The following DMXL1 variants were observed in gnomAD, a reference collection of about 807,000 sequenced individuals.
DMXL1 encodes the protein dmX-like protein 1.
In DMXL1, 99 loss-of-function variants were observed where a neutral mutation model predicts 319.2. The observed-to-expected ratio is 0.31, with a 90% CI of 0.26 to 0.37. The LOEUF (loss-of-function observed/expected upper bound fraction) is 0.37. DMXL1 is among the 10% of genes least tolerant of loss of function. DMXL1 has a pLI of 1.00. For missense variants in DMXL1, 3,745 were observed against 3,595.6 expected (o/e 1.04, Z -1.06); for synonymous variants, 1,385 against 1,235.2 (o/e 1.12, Z -2.54).
chr5:119,120,090 C>G (rs1174074092), intron 8 of DMXL1, among the ~76,000 whole-genome samples: 2 of 151,736 alleles, frequency 1.3e-5, no homozygotes, highest in East Asian at 1.9e-4. Context: ...CATGTTGGCT[C>G]AAGTAATCCT....
At chr5:119,230,503 C>T (rs750893889) in intron 38 of DMXL1, among the ~76,000 whole-genome samples, 16 of 152,290 alleles carry the variant, frequency 1.1e-4, no homozygotes, top group Middle Eastern at 3.4e-3. Flanking sequence ...CATACACAAA[C>T]ATACAGGCAG....
chr5:119,234,647 T>C (rs781693071), intron 39 of DMXL1, among the ~76,000 whole-genome samples: 3 of 152,186 alleles, frequency 2.0e-5, no homozygotes, highest in Non-Finnish European at 4.4e-5. Context: ...GATGCCTGTA[T>C]AATTCTATTG....
intron 20 of DMXL1, 30 bp from the exon 21 acceptor site, chr5:119,165,153 G>A: frequency 7.4e-7 from 1 of 1,352,940 alleles, no homozygotes; most frequent in Non-Finnish European, 1.0e-6. Context: ...CTGTTTCTGT[G>A]AAATTTTGAT....
rs544088442 is a variant in DMXL1, at chr5:119,122,809, C to T, written c.1102+1670C>T. On this transcript the variant is annotated intron_variant, in intron 9 of 43. Transcript: ENST00000539542. ...ATGGCGGCCGGGCAGAGATGCTCCTCACTTTCCAGACTGGGCAGCCAGGCA... is the reference window on the plus strand; with the variant it reads ...ATGGCGGCCGGGCAGAGATGCTCCTTACTTTCCAGACTGGGCAGCCAGGCA... Among the ~76,000 whole-genome samples the T allele has an allele frequency of 5.3e-3, 809 of 151,260 alleles. 10 individuals are homozygous for T. Among genetic ancestry groups the T allele is most frequent in the African/African-American group, 0.019 (765 of 41,290 alleles).
chr5:119,173,746 A>ATG (rs1301093998), intron 25 of DMXL1, among the ~76,000 whole-genome samples: 2 of 65,720 alleles, frequency 3.0e-5, no homozygotes, highest in Middle Eastern at 6.1e-3. Context: ...GTATATATAT[A>ATG]TGTGTGTGTA....
intron 4 of DMXL1, among the ~76,000 whole-genome samples, chr5:119,105,895 C>CAA (rs560106066): frequency 9.1e-5 from 7 of 76,750 alleles, no homozygotes; most frequent in Admixed American, 1.4e-4. Flanking sequence ...GAAACTGTCT[C>CAA]AAAAAAAAAA....
intron 19 of DMXL1, among the ~76,000 whole-genome samples, chr5:119,157,034 A>G (rs1473243231): frequency 6.6e-6 from 1 of 150,604 alleles, no homozygotes; most frequent in Non-Finnish European, 1.5e-5. Flanking sequence ...TTTTCCCCCA[A>G]GAGTTGAGGG....
intron 4 of DMXL1, among the ~76,000 whole-genome samples, chr5:119,108,408 C>G (rs917492688): frequency 6.6e-6 from 1 of 151,952 alleles, no homozygotes; most frequent in Non-Finnish European, 1.5e-5. Flanking sequence ...TATTTGGTGT[C>G]AAATCTTGAC....
At chr5:119,201,109 A>G (rs1780626978) in intron 32 of DMXL1, among the ~76,000 whole-genome samples, 3 of 152,078 alleles carry the variant, frequency 2.0e-5, no homozygotes, top group South Asian at 2.1e-4. Flanking sequence ...ACTAGGTTGA[A>G]TAGGAGTGGT....
At chr5:119,120,015 G>A (rs1761696617) in intron 8 of DMXL1, among the ~76,000 whole-genome samples, 1 of 151,900 alleles carries the variant, frequency 6.6e-6, no homozygotes, top group Non-Finnish European at 1.5e-5. Context: ...CGAGTAGCTG[G>A]GATTACAGGT....
intron 37 of DMXL1, among the ~76,000 whole-genome samples, chr5:119,223,911 T>G (rs953611248): frequency 6.6e-6 from 1 of 152,140 alleles, no homozygotes; most frequent in East Asian, 1.9e-4. Flanking sequence ...TCTAGAGAAC[T>G]GATAAAATAT....
chr5:119,154,090 T>C (rs1770452390), intron 19 of DMXL1, among the ~76,000 whole-genome samples: 1 of 152,244 alleles, frequency 6.6e-6, no homozygotes, highest in African/African-American at 2.4e-5. Flanking sequence ...GCTACAACAC[T>C]GATCAGCCAT....
intron 31 of DMXL1, 110 bp from the exon 32 acceptor site, chr5:119,197,645 C>G (rs1779878915): frequency 1.6e-6 from 1 of 612,262 alleles, no homozygotes; most frequent in South Asian, 3.2e-5. Context: ...TCATCTCAGT[C>G]TTTTTTTTTT....
At chr5:119,086,875 C>G (rs1753495421) in intron 1 of DMXL1, among the ~76,000 whole-genome samples, 1 of 152,048 alleles carries the variant, frequency 6.6e-6, no homozygotes, top group Non-Finnish European at 1.5e-5. Flanking sequence ...GCTTCCATCT[C>G]ATTACTCATT....
chr5:119,164,698 A>T, intron 20 of DMXL1, 22 bp downstream of exon 20: 1 of 1,561,398 alleles, frequency 6.4e-7, no homozygotes, highest in Middle Eastern at 1.7e-4. Context: ...ATTTTGGTGT[A>T]TAAGTGAATT....
chr5:119,170,357 C>T lies in DMXL1; in HGVS notation c.5566C>T (p.Arg1856Cys), dbSNP rs755929382. The T allele has an allele frequency of 8.7e-6, 14 of 1,613,774 alleles. No homozygotes were observed. Among genetic ancestry groups the T allele is most frequent in the Middle Eastern group, 1.6e-4 (1 of 6,082 alleles). The part of the protein sequence containing the change: ...LAGTINLSER[R>C]LFFTTASAHL... ...AGGAACAATTAATTTAAGTGAAAGA[C>T]GTTTATTTTTTACCACTGCCAGTGC... Residue 1856 changes from arginine (R) to cysteine (C), a missense_variant, in exon 24 of 44, where the codon CGT becomes TGT. Physicochemically the swap from Arg to Cys is radical, Grantham distance 180. This residue lies in a region of DMXL1 where 1,382 missense variants were observed against 1,269.5 expected (regional missense o/e 1.09). Coordinates refer to ENST00000539542, the MANE Select transcript of DMXL1 (RefSeq NM_001290321.3).
intron 9 of DMXL1, among the ~76,000 whole-genome samples, chr5:119,121,478 T>C (rs896545963): frequency 1.1e-4 from 16 of 152,074 alleles, no homozygotes; most frequent in African/African-American, 3.6e-4. Context: ...GGAGTGGTGA[T>C]GACTCTTAAC....
In DMXL1 at chr5:119,101,977, G is replaced by T; in HGVS notation, c.256G>T (p.Val86Phe). The change falls in exon 3 of 44, where the codon GTT (valine) becomes TTT (phenylalanine). Residue 86 changes from valine to phenylalanine, a missense_variant. Around this residue, in one of 4 missense-constraint regions of DMXL1, gnomAD observed 2,096 missense variants for 1,985.4 expected, o/e 1.06. Coordinates refer to ENST00000539542, the MANE Select transcript of DMXL1 (RefSeq NM_001290321.3). ...YGNVISIFEP[V>F]NLPKQKKNLE... ...AAATGTTATCTCCATTTTTGAACCA[G>T]TTAACCTACCAAAACAAAAGAAAAA... The T allele has an allele frequency of 6.2e-7, 1 of 1,605,074 alleles. No homozygotes were observed. Among genetic ancestry groups the T allele is most frequent in the Non-Finnish European group, 8.5e-7 (1 of 1,176,128 alleles).
chr5:119,178,762 G>A (rs1485054384), intron 28 of DMXL1: 1 of 505,992 alleles, frequency 2.0e-6, no homozygotes, highest in Admixed American at 6.4e-5. Context: ...TTGGGGTACA[G>A]TGGGACAGTT....
Sources: allele counts gnomAD v4.1 joint callset (sites outside exome capture counted in the v4.1 genomes callset), GRCh38; gene constraint gnomAD v4.1.1; regional missense constraint gnomAD v4.1.1; transcripts MANE v1.5; gene names NCBI Gene and HGNC (gene_info 2026-07-23, HGNC 2026-07-21).